SCHIP1: variants seen among roughly 807,000 people sequenced by gnomAD.
SCHIP1 encodes the protein schwannomin interacting protein 1, also known as schwannomin-interacting protein 1.
SCHIP1 carries 8 observed loss-of-function variants against 29.7 expected under a neutral mutation model. The observed-to-expected ratio is 0.27, with a 90% CI of 0.16 to 0.49. SCHIP1 has a LOEUF of 0.49. Ranked by LOEUF, SCHIP1 falls within the 20% of genes least tolerant of loss-of-function variation. The pLI is 0.99. For missense variants in SCHIP1, 193 were observed against 294.6 expected, an observed-to-expected ratio of 0.66 and a Z score of 2.52; for synonymous variants, 76 against 94.9, an observed-to-expected ratio of 0.80 and a Z score of 1.16.
chr3:159,695,678 G>A, the SCHIP1 span, among the ~76,000 whole-genome samples: 1 of 152,112 alleles, frequency 6.6e-6, no homozygotes, highest in Non-Finnish European at 1.5e-5. Context: ...AAAAAACTTT[G>A]TAGTACTACT....
the SCHIP1 span, among the ~76,000 whole-genome samples, chr3:159,478,803 A>G: frequency 6.6e-6 from 1 of 152,032 alleles, no homozygotes; most frequent in Non-Finnish European, 1.5e-5. Flanking sequence ...ACACCTAAGT[A>G]TTTTGTTGTT....
At chr3:159,344,378 A>G in the SCHIP1 span, among the ~76,000 whole-genome samples, 2 of 152,136 alleles carry the variant, frequency 1.3e-5, no homozygotes, top group Non-Finnish European at 2.9e-5. Context: ...TCCCCAGTAA[A>G]GGAGAAAAGT....
chr3:159,273,733 C>T, the SCHIP1 span: 1 of 1,563,580 alleles, frequency 6.4e-7, no homozygotes. Flanking sequence ...ACTAGCTAAC[C>T]CAGGTGACCC....
chr3:159,554,295 G>T, the SCHIP1 span, among the ~76,000 whole-genome samples: 36 of 152,112 alleles, frequency 2.4e-4, no homozygotes, highest in Non-Finnish European at 4.1e-4. Flanking sequence ...CATGTACTCT[G>T]CCTGTCTCCC....
the SCHIP1 span, among the ~76,000 whole-genome samples, chr3:159,782,276 T>G: frequency 6.6e-6 from 1 of 152,236 alleles, no homozygotes; most frequent in Admixed American, 6.5e-5. Context: ...TTCATCCCAT[T>G]TTATAGACAG....
At chr3:159,463,262 C>T in the SCHIP1 span, among the ~76,000 whole-genome samples, 1 of 151,932 alleles carries the variant, frequency 6.6e-6, no homozygotes, top group Non-Finnish European at 1.5e-5. Flanking sequence ...TTTAAAAGTG[C>T]ATGTATTTGC....
At chr3:159,779,416 C>T in the SCHIP1 span, among the ~76,000 whole-genome samples, 1 of 151,630 alleles carries the variant, frequency 6.6e-6, no homozygotes, top group Non-Finnish European at 1.5e-5. Context: ...GCCTGTAATC[C>T]CAGCACTTTG....
At chr3:159,713,277 A>AAAGG in the SCHIP1 span, among the ~76,000 whole-genome samples, 1 of 151,092 alleles carries the variant, frequency 6.6e-6, no homozygotes, top group Non-Finnish European at 1.5e-5. Context: ...AGAAAGAAAG[A>AAAGG]AAGAAAGAAA....
the SCHIP1 span, among the ~76,000 whole-genome samples, chr3:159,738,281 G>GTATATAGA: frequency 6.6e-6 from 1 of 151,714 alleles, no homozygotes; most frequent in Non-Finnish European, 1.5e-5. Context: ...AATGCAACTG[G>GTATATAGA]TATATAGATA....
At chr3:159,555,257 A>G in the SCHIP1 span, among the ~76,000 whole-genome samples, 1 of 152,190 alleles carries the variant, frequency 6.6e-6, no homozygotes, top group African/African-American at 2.4e-5. Context: ...GTAGGAGGTT[A>G]ATGAAACTTA....
the SCHIP1 span, among the ~76,000 whole-genome samples, chr3:159,615,018 A>G: frequency 6.6e-6 from 1 of 152,226 alleles, no homozygotes; most frequent in East Asian, 1.9e-4. Flanking sequence ...TGTGAAAGAG[A>G]AAGAATAAAT....
chr3:159,600,506 C>T, the SCHIP1 span, among the ~76,000 whole-genome samples: 1 of 152,110 alleles, frequency 6.6e-6, no homozygotes, highest in Admixed American at 6.6e-5. Flanking sequence ...TTTGCATTTC[C>T]TTCAATGAAT....
At chr3:159,763,758 C>G in the SCHIP1 span, 1 of 152,234 alleles carries the variant, frequency 6.6e-6, no homozygotes, top group Non-Finnish European at 1.5e-5. Context: ...TTTGGGGAGG[C>G]GGGGGACCAC....
chr3:159,689,503 G>C, the SCHIP1 span, among the ~76,000 whole-genome samples: 1 of 152,202 alleles, frequency 6.6e-6, no homozygotes, highest in Non-Finnish European at 1.5e-5. Flanking sequence ...TTGGAGCTGA[G>C]ATGATAGGGT....
chr3:159,751,247 A>G, the SCHIP1 span, among the ~76,000 whole-genome samples: 3 of 152,186 alleles, frequency 2.0e-5, no homozygotes, highest in South Asian at 2.1e-4. Flanking sequence ...GAGAGCTACA[A>G]GTTTTTACAT....
At chr3:159,788,420 G>T in the SCHIP1 span, among the ~76,000 whole-genome samples, 3 of 152,172 alleles carry the variant, frequency 2.0e-5, no homozygotes, top group Non-Finnish European at 4.4e-5. Flanking sequence ...GTGGCCTGCC[G>T]AGTGTAGAGC....
the SCHIP1 span, among the ~76,000 whole-genome samples, chr3:159,353,408 A>C: frequency 6.6e-6 from 1 of 152,166 alleles, no homozygotes; most frequent in Non-Finnish European, 1.5e-5. Flanking sequence ...CTAAACCCTG[A>C]AAGTTTTCAT....
At chr3:159,446,121 C>G in the SCHIP1 span, among the ~76,000 whole-genome samples, 1 of 151,940 alleles carries the variant, frequency 6.6e-6, no homozygotes, top group South Asian at 2.1e-4. Flanking sequence ...CCCTTTAGGC[C>G]GGTGGTTTGC....
the SCHIP1 span, among the ~76,000 whole-genome samples, chr3:159,634,424 T>C: frequency 6.6e-6 from 1 of 152,206 alleles, no homozygotes; most frequent in Non-Finnish European, 1.5e-5. Flanking sequence ...TCTGTAAGAA[T>C]TCAAGTTTTT....
Sources: allele counts gnomAD v4.1 joint callset (sites outside exome capture counted in the v4.1 genomes callset), GRCh38; gene constraint gnomAD v4.1.1; transcripts MANE v1.5; gene names NCBI Gene and HGNC (gene_info 2026-07-23, HGNC 2026-07-21).